The following DKK3 variants were observed in gnomAD, a reference collection of about 807,000 sequenced individuals.
DKK3 encodes dickkopf-related protein 3.
In DKK3, 22 loss-of-function variants were observed where a neutral mutation model predicts 33.2. The observed-to-expected ratio is 0.66, with a 90% CI of 0.47 to 0.95. DKK3 has a LOEUF of 0.95. DKK3 is among the 40% of genes least tolerant of loss of function. The probability of loss-of-function intolerance (pLI) is 0.00; values close to 1 mark genes in which losing one functional copy is unlikely to be tolerated. For synonymous variants in DKK3, 194 were observed against 188.8 expected (o/e 1.03, Z -0.23); for missense variants, 398 against 458.4 (o/e 0.87, Z 1.20).
At chr11:11,979,483 G>GGA (rs1336897397) in intron 3 of DKK3, among the ~76,000 whole-genome samples, 2 of 152,234 alleles carry the variant, frequency 1.3e-5, no homozygotes, top group East Asian at 1.9e-4. Context: ...GTGGATCCCA[G>GGA]GAGATGAGTG....
intron 3 of DKK3, among the ~76,000 whole-genome samples, chr11:11,992,864 C>T (rs538502343): frequency 1.3e-5 from 2 of 152,196 alleles, no homozygotes; most frequent in East Asian, 3.9e-4. Flanking sequence ...TCCTTTATAG[C>T]AATGCAAATG....
chr11:11,964,602 G>A lies in DKK3; in HGVS notation c.915C>T (p.Pro305=), dbSNP rs746442871. The A allele has an allele frequency of 1.2e-5, 20 of 1,613,954 alleles. No individual in the cohort carries two copies. The highest frequency in any genetic ancestry group is 6.7e-5 in the African/African-American group (5 of 74,888). ...DGEILLPREV[P]DEYEVGSFME... is the part of the protein sequence containing the mutation. ...TGAAGCTGCCAACTTCATACTCATC[G>A]GGGACCTCTCTGGGCAGCAGGATCT... Residue 305 remains proline, a synonymous_variant, in exon 7 of 7, where the codon CCC becomes CCT. Coordinates refer to ENST00000683431, the MANE Select transcript of DKK3 (RefSeq NM_001018057.2).
chr11:11,983,060 G>A (rs1367170161), intron 3 of DKK3, among the ~76,000 whole-genome samples: 1 of 152,210 alleles, frequency 6.6e-6, no homozygotes, highest in Non-Finnish European at 1.5e-5. Context: ...AGCAGGCTCT[G>A]ATAGTGTCCT....
At chr11:11,964,889 G>C (rs1273458387) in intron 6 of DKK3, among the ~76,000 whole-genome samples, 2 of 152,184 alleles carry the variant, frequency 1.3e-5, no homozygotes, top group African/African-American at 4.8e-5. Context: ...GAATGTGCTG[G>C]TGGGGGGCAG....
chr11:11,980,416 AACTG>A (rs1847930720), intron 3 of DKK3, among the ~76,000 whole-genome samples: 1 of 152,140 alleles, frequency 6.6e-6, no homozygotes, highest in African/African-American at 2.4e-5. Flanking sequence ...TCTACCTCAC[AACTG>A]ACTGTCTCCA....
intron 3 of DKK3, among the ~76,000 whole-genome samples, chr11:11,977,164 C>T (rs1008543537): frequency 2.6e-5 from 4 of 152,152 alleles, no homozygotes; most frequent in Admixed American, 6.5e-5. Flanking sequence ...GGAAAATGCA[C>T]CCCCGAGCAG....
chr11:11,997,753 C>G (rs895521637), intron 3 of DKK3, among the ~76,000 whole-genome samples: 2 of 152,164 alleles, frequency 1.3e-5, no homozygotes, highest in Non-Finnish European at 2.9e-5. Flanking sequence ...CAGCTCCCGA[C>G]ATTTGAGCAC....
intron 3 of DKK3, among the ~76,000 whole-genome samples, chr11:11,980,098 A>G (rs1847924369): frequency 6.6e-6 from 1 of 152,202 alleles, no homozygotes; most frequent in African/African-American, 2.4e-5. Flanking sequence ...CTTCCCTTCA[A>G]CAATCTCAAG....
chr11:11,989,584 G>A (rs1244572224), intron 3 of DKK3, among the ~76,000 whole-genome samples: 1 of 152,150 alleles, frequency 6.6e-6, no homozygotes, highest in Non-Finnish European at 1.5e-5. Flanking sequence ...CCAGGGGATT[G>A]CAGGAGGGGG....
At chr11:11,993,375 C>A (rs1049980451) in intron 3 of DKK3, among the ~76,000 whole-genome samples, 1 of 151,062 alleles carries the variant, frequency 6.6e-6, no homozygotes, top group Non-Finnish European at 1.5e-5. Flanking sequence ...TACTGTTCTG[C>A]AATTTTTTTT....
chr11:11,995,220 C>G (rs868437477), intron 3 of DKK3, among the ~76,000 whole-genome samples: 2 of 152,218 alleles, frequency 1.3e-5, no homozygotes, highest in African/African-American at 4.8e-5. Flanking sequence ...GCTGGAACCA[C>G]AGGCATGTGC....
At chr11:11,972,283 T>C (rs574914654) in intron 3 of DKK3, among the ~76,000 whole-genome samples, 9 of 152,330 alleles carry the variant, frequency 5.9e-5, no homozygotes, top group African/African-American at 1.9e-4. Flanking sequence ...GATCCCGCTA[T>C]GGTGCACCCC....
intron 1 of DKK3, among the ~76,000 whole-genome samples, chr11:12,006,757 C>A (rs1481110944): frequency 6.6e-6 from 1 of 152,220 alleles, no homozygotes; most frequent in Non-Finnish European, 1.5e-5. Context: ...TCTCTCCTCC[C>A]TCAGCAGAAG....
At chr11:11,983,152 T>C (rs10765917) in intron 3 of DKK3, among the ~76,000 whole-genome samples, 41,661 of 152,164 alleles carry the variant, frequency 0.27, 6,070 homozygotes, top group East Asian at 0.39. Flanking sequence ...ATTGACTCAA[T>C]TGGTTTCTTG....
chr11:11,986,374 CA>C (rs1848071159), intron 3 of DKK3, among the ~76,000 whole-genome samples: 1 of 152,188 alleles, frequency 6.6e-6, no homozygotes, highest in Non-Finnish European at 1.5e-5. Context: ...TCCTTTTCAG[CA>C]GCAGCAAGTC....
intron 6 of DKK3, 74 bp from the exon 7 acceptor site, chr11:11,964,760 T>G: frequency 6.5e-7 from 1 of 1,545,680 alleles, no homozygotes; most frequent in Non-Finnish European, 8.7e-7. Context: ...GCGCCCTGAC[T>G]CTGTGGGGCT....
At chr11:11,973,918 A>G (rs1266762039) in intron 3 of DKK3, among the ~76,000 whole-genome samples, 1 of 152,220 alleles carries the variant, frequency 6.6e-6, no homozygotes, top group African/African-American at 2.4e-5. Context: ...TGGGGCCCGC[A>G]GAGGCACCGC....
intron 1 of DKK3, among the ~76,000 whole-genome samples, chr11:12,007,664 T>A (rs1230418093): frequency 6.6e-6 from 1 of 152,182 alleles, no homozygotes; most frequent in African/African-American, 2.4e-5. Flanking sequence ...CATATGACAT[T>A]TAGTTTTCAC....
intron 3 of DKK3, among the ~76,000 whole-genome samples, chr11:11,983,357 A>G (rs1847996400): frequency 1.3e-5 from 2 of 152,162 alleles, no homozygotes; most frequent in Non-Finnish European, 2.9e-5. Flanking sequence ...AGGCACATGG[A>G]CTTGAGAGAA....
Sources: allele counts gnomAD v4.1 joint callset (sites outside exome capture counted in the v4.1 genomes callset), GRCh38; gene constraint gnomAD v4.1.1; transcripts MANE v1.5; gene names NCBI Gene and HGNC (gene_info 2026-07-23, HGNC 2026-07-21).